Variants in MTBP observed in about 807,000 individuals in gnomAD.
MTBP encodes the protein mdm2-binding protein.
In MTBP, 101 loss-of-function variants were observed where a neutral mutation model predicts 117.0. That is an observed-to-expected ratio of 0.86 (90% CI 0.73 to 1.02). The LOEUF (loss-of-function observed/expected upper bound fraction) is 1.02. MTBP is among the 50% of genes least tolerant of loss of function. The pLI is 0.00. For synonymous variants in MTBP, 350 were observed against 351.5 expected, an observed-to-expected ratio of 1.00 and a Z score of 0.05; for missense variants, 970 against 1,030.9, an observed-to-expected ratio of 0.94 and a Z score of 0.81.
chr8:120,487,252 C>T (rs1814240342), intron 11 of MTBP, among the ~76,000 whole-genome samples: 1 of 152,166 alleles, frequency 6.6e-6, no homozygotes, highest in Non-Finnish European at 1.5e-5. Flanking sequence ...CATTTTGCTT[C>T]CAGTGCCATC....
intron 11 of MTBP, among the ~76,000 whole-genome samples, chr8:120,479,122 A>G (rs1814014061): frequency 6.6e-6 from 1 of 152,218 alleles, no homozygotes; most frequent in African/African-American, 2.4e-5. Context: ...AAATATAAAG[A>G]TGGGAACAGT....
intron 13 of MTBP, among the ~76,000 whole-genome samples, chr8:120,493,704 TG>T (rs1206615195): frequency 1.3e-5 from 2 of 152,122 alleles, no homozygotes; most frequent in African/African-American, 4.8e-5. Context: ...TTGGCCAGGC[TG>T]GTCTCGAACT....
At chr8:120,510,681 C>T (rs914993294) in intron 17 of MTBP, among the ~76,000 whole-genome samples, 3 of 152,072 alleles carry the variant, frequency 2.0e-5, no homozygotes, top group Admixed American at 1.3e-4. Context: ...GCAGGTGGAT[C>T]GCTTGAGCCC....
At chr8:120,484,579 T>C (rs1253419555) in intron 11 of MTBP, among the ~76,000 whole-genome samples, 4 of 152,218 alleles carry the variant, frequency 2.6e-5, no homozygotes, top group African/African-American at 9.6e-5. Context: ...ACTGAAGTAC[T>C]GTCAAGAACT....
At chr8:120,469,360 A>G (rs909352238) in intron 10 of MTBP, among the ~76,000 whole-genome samples, 1 of 152,082 alleles carries the variant, frequency 6.6e-6, no homozygotes, top group Non-Finnish European at 1.5e-5. Flanking sequence ...TGAGCTTTCT[A>G]ATTTGCTTCA....
At chr8:120,517,623 A>C (rs982954840) in intron 18 of MTBP, among the ~76,000 whole-genome samples, 3 of 146,946 alleles carry the variant, frequency 2.0e-5, no homozygotes, top group African/African-American at 7.3e-5. Flanking sequence ...TAGTGGTAAC[A>C]CTATAACATA....
In MTBP at chr8:120,451,227, AG is replaced by A; in HGVS notation, c.331del (p.Asp111MetfsTer56). On this transcript the variant is annotated frameshift_variant, in exon 4 of 22. Transcript: ENST00000305949. LOFTEE classifies it high-confidence loss of function. The stretch of plus-strand genomic sequence containing the variant: ...TTGATACAGAAAAAGATAAAATTGA[AG>A]ATGTTCTTCAAACGAATATCGAAGA... ...HFDTEKDKIE[D>X]VLQTNIEECL... 1 of 1,611,514 alleles carries A rather than the reference AG, an allele frequency of 6.2e-7. No homozygotes were observed. Among genetic ancestry groups the A allele is most frequent in the Non-Finnish European group, 8.5e-7 (1 of 1,178,224 alleles).
chr8:120,516,561 G>A (rs1420249348), intron 18 of MTBP, among the ~76,000 whole-genome samples: 3 of 151,908 alleles, frequency 2.0e-5, no homozygotes, highest in African/African-American at 7.2e-5. Flanking sequence ...TGCCTGCATT[G>A]TTCCCTTGAG....
In MTBP at chr8:120,445,534, G is replaced by C. The variant is rs773814180; in HGVS notation, c.64G>C (p.Glu22Gln). 4 of 1,613,666 alleles carry C rather than the reference G, an allele frequency of 2.5e-6. No individual in the cohort carries two copies. The highest frequency in any genetic ancestry group is 3.3e-4 in the Middle Eastern group (2 of 6,082). Reference protein sequence around the residue: ...EGKFPSAASREAEHGPEVSSG... With the variant: ...EGKFPSAASRQAEHGPEVSSG... ...AAAATTCCCGTCGGCGGCCAGTAGG[G>C]AGGCAGAACATGGGCCAGAGGTGTC... The change falls in exon 1 of 22, where the codon GAG (glutamate) becomes CAG (glutamine). Residue 22 changes from glutamate to glutamine, a missense_variant. By Grantham distance (29) the Glu-to-Gln change is conservative (BLOSUM62 2). Coordinates refer to ENST00000305949, the MANE Select transcript of MTBP (RefSeq NM_022045.5).
intron 20 of MTBP, among the ~76,000 whole-genome samples, chr8:120,519,770 C>T (rs1814983241): frequency 2.0e-5 from 3 of 152,054 alleles, no homozygotes; most frequent in Non-Finnish European, 4.4e-5. Flanking sequence ...TTTGAAGACA[C>T]CAGCTATCAT....
intron 20 of MTBP, among the ~76,000 whole-genome samples, chr8:120,521,709 A>C (rs906043703): frequency 1.3e-5 from 2 of 152,220 alleles, no homozygotes; most frequent in Admixed American, 6.5e-5. Flanking sequence ...TAATCACTAA[A>C]TTTTTAAAAG....
intron 12 of MTBP, among the ~76,000 whole-genome samples, chr8:120,488,840 T>G (rs1298016927): frequency 6.6e-6 from 1 of 152,158 alleles, no homozygotes; most frequent in Non-Finnish European, 1.5e-5. Flanking sequence ...GTCCTCCATA[T>G]GATTACAGTC....
chr8:120,477,420 A>C (rs767606820), intron 11 of MTBP, among the ~76,000 whole-genome samples: 2 of 152,226 alleles, frequency 1.3e-5, no homozygotes, highest in African/African-American at 2.4e-5. Context: ...ATTAAACTAA[A>C]GAGCTTCTTC....
chr8:120,512,362 C>T (rs1814830539), intron 17 of MTBP, among the ~76,000 whole-genome samples: 1 of 152,046 alleles, frequency 6.6e-6, no homozygotes, highest in South Asian at 2.1e-4. Context: ...AAGTGTCCAT[C>T]ATATAATCTT....
rs1326806714 is a variant in MTBP, at chr8:120,446,199, T to C, written c.119-234T>C. 5.3e-5 allele frequency among the ~76,000 whole-genome samples: 8 copies of C among 152,188 alleles called. No individual in the cohort carries two copies. In the East Asian group the frequency reaches 1.2e-3, roughly 22 times the overall value. On this transcript the variant is annotated intron_variant, in intron 1 of 21. Coordinates refer to ENST00000305949, the MANE Select transcript of MTBP (RefSeq NM_022045.5). ...TTTCCCTTCTCTTTAAAATTATTCT[T>C]TTGAGGGGAATTTTGCATTCGTGCT... is the stretch of plus-strand genomic sequence containing the variant.
At chr8:120,455,400 T>A in intron 5 of MTBP, 35 bp from the exon 6 acceptor site, 1 of 1,471,936 alleles carries the variant, frequency 6.8e-7, no homozygotes, top group South Asian at 1.3e-5. Context: ...ATCTAACTTT[T>A]TAAAAATTAC....
chr8:120,451,989 C>A (rs566871969), intron 4 of MTBP: 2 of 152,228 alleles, frequency 1.3e-5, no homozygotes, highest in South Asian at 4.1e-4. Flanking sequence ...AAATATGTGA[C>A]TTCTTTAATT....
chr8:120,518,875 G>A, intron 20 of MTBP, 58 bp downstream of exon 20: 1 of 1,208,290 alleles, frequency 8.3e-7, no homozygotes, highest in Non-Finnish European at 1.2e-6. Context: ...GTTCCTGTTT[G>A]ACATAAAAAA....
intron 11 of MTBP, among the ~76,000 whole-genome samples, chr8:120,474,170 A>C (rs977754081): frequency 2.2e-4 from 33 of 152,180 alleles, no homozygotes; most frequent in African/African-American, 7.5e-4. Context: ...TGTGAATAAT[A>C]ATAAGACACA....
Sources: allele counts gnomAD v4.1 joint callset (sites outside exome capture counted in the v4.1 genomes callset), GRCh38; gene constraint gnomAD v4.1.1; transcripts MANE v1.5; gene names NCBI Gene and HGNC (gene_info 2026-07-23, HGNC 2026-07-21).